SLC4A8: variants seen among roughly 807,000 people sequenced by gnomAD.
SLC4A8 encodes the protein solute carrier family 4 member 8, also known as electroneutral sodium bicarbonate exchanger 1.
In SLC4A8, 40 loss-of-function variants were observed where a neutral mutation model predicts 125.0. The observed-to-expected ratio is 0.32, with a 90% confidence interval of 0.25 to 0.42. The LOEUF (loss-of-function observed/expected upper bound fraction) is 0.42, where lower values mean the gene tolerates loss of function less well. SLC4A8 is among the 10% of genes least tolerant of loss of function. The pLI, the probability that SLC4A8 is intolerant of heterozygous loss-of-function variation, is 1.00. For synonymous variants in SLC4A8, 456 were observed against 476.0 expected (o/e 0.96, Z 0.55); for missense variants, 863 against 1,355.1 (o/e 0.64, Z 5.70).
chr12:51,495,273 G>A (rs1951431332), intron 21 of SLC4A8, among the ~76,000 whole-genome samples, 155 bp downstream of exon 21: 1 of 151,974 alleles, frequency 6.6e-6, no homozygotes, highest in African/African-American at 2.4e-5. Flanking sequence ...TCCAGCTCTG[G>A]AACTTTTTAC....
intron 16 of SLC4A8, among the ~76,000 whole-genome samples, chr12:51,482,685 A>G (rs2138369354): frequency 6.6e-6 from 1 of 152,214 alleles, no homozygotes; most frequent in South Asian, 2.1e-4. Flanking sequence ...TGGCCTGGCT[A>G]ATGTAATTCT....
chr12:51,429,587 C>T (rs1171072617), intron 1 of SLC4A8, among the ~76,000 whole-genome samples: 1 of 152,048 alleles, frequency 6.6e-6, no homozygotes, highest in African/African-American at 2.4e-5. Context: ...ACTGCAGCGT[C>T]GACCTCCTGG....
intron 16 of SLC4A8, among the ~76,000 whole-genome samples, chr12:51,477,444 A>G (rs1308191553): frequency 2.6e-5 from 4 of 152,184 alleles, no homozygotes; most frequent in Non-Finnish European, 5.9e-5. Flanking sequence ...AAAAGGGCTG[A>G]GTTTATCCCT....
chr12:51,427,578 G>A (rs939820737), intron 1 of SLC4A8, among the ~76,000 whole-genome samples: 32 of 152,270 alleles, frequency 2.1e-4, no homozygotes, highest in African/African-American at 7.0e-4. Context: ...AAGAGAATGA[G>A]GGTAGAAGGA....
At chr12:51,499,624 T>TATACACACACACACACAC (rs1555199776) in intron 22 of SLC4A8, among the ~76,000 whole-genome samples, 2 of 143,238 alleles carry the variant, frequency 1.4e-5, no homozygotes, top group Non-Finnish European at 3.1e-5. Context: ...GCTATAATTC[T>TATACACACACACACACAC]ACACACACAC....
chr12:51,478,274 CAAA>C (rs10668768), intron 16 of SLC4A8, among the ~76,000 whole-genome samples: 1 of 133,638 alleles, frequency 7.5e-6, no homozygotes. Context: ...AACTCCGTCT[CAAA>C]AAAAAAAAAA....
At chr12:51,465,163 G>A (rs1022857160) in intron 11 of SLC4A8, among the ~76,000 whole-genome samples, 6 of 152,180 alleles carry the variant, frequency 3.9e-5, no homozygotes, top group African/African-American at 1.4e-4. Context: ...CTGTCCTAGA[G>A]GAGGTGGTAA....
At chr12:51,407,478 AG>A (rs1948511503) in intron 1 of SLC4A8, among the ~76,000 whole-genome samples, 1 of 151,942 alleles carries the variant, frequency 6.6e-6, no homozygotes, top group South Asian at 2.1e-4. Flanking sequence ...TATGTTGCCA[AG>A]GCTGGTCTGA....
upstream of SLC4A8, chr12:51,420,286 A>T (rs915465295): frequency 2.0e-5 from 3 of 152,244 alleles, no homozygotes; most frequent in African/African-American, 7.2e-5. Flanking sequence ...AATTGCAAGT[A>T]AAGCCTAAGA....
At chr12:51,424,054 C>CAAAAAAA (rs1334821004), upstream of SLC4A8, among the ~76,000 whole-genome samples, 1 of 77,444 alleles carries the variant, frequency 1.3e-5, no homozygotes, top group Non-Finnish European at 2.5e-5. Flanking sequence ...AAAAAAAAAA[C>CAAAAAAA]AAAAAAAACA....
intron 16 of SLC4A8, among the ~76,000 whole-genome samples, chr12:51,481,322 A>G (rs760448800): frequency 1.3e-5 from 2 of 152,124 alleles, no homozygotes; most frequent in African/African-American, 2.4e-5. Flanking sequence ...CCAGTCCATG[A>G]GCAACTTTGC....
intron 19 of SLC4A8, among the ~76,000 whole-genome samples, chr12:51,492,071 G>A (rs1236927303): frequency 6.6e-6 from 1 of 152,132 alleles, no homozygotes; most frequent in Non-Finnish European, 1.5e-5. Flanking sequence ...TATGAGAAGT[G>A]GGGCTAAAAG....
upstream of SLC4A8, among the ~76,000 whole-genome samples, chr12:51,423,968 G>T (rs11169836): frequency 6.8e-6 from 1 of 146,810 alleles, no homozygotes; most frequent in African/African-American, 2.5e-5. Flanking sequence ...CTGGATAGGC[G>T]GAGGTTGCAG....
chr12:51,461,307 G>C lies in SLC4A8; in HGVS notation c.1101+16G>C. 1 of 1,434,232 alleles carries C rather than the reference G, an allele frequency of 7.0e-7. No homozygotes were observed. The highest frequency in any genetic ancestry group is 9.8e-7 in the Non-Finnish European group (1 of 1,016,320). The allele number at this position is 1,434,232 out of a possible 1,614,324, so 88.8% of individuals were successfully genotyped here. A position where few individuals can be genotyped will look rare whatever the true frequency, so the allele number is the denominator to read the frequency against. On this transcript the variant is annotated intron_variant, in intron 9 of 24. Transcript: ENST00000453097. Reference sequence around the variant, plus strand: ...GACAGATGAGGTATGTGCAACTTTTGCTTCAGTCTTCCATCTCATAAATAT... The same window carrying C: ...GACAGATGAGGTATGTGCAACTTTTCCTTCAGTCTTCCATCTCATAAATAT...
intron 13 of SLC4A8, among the ~76,000 whole-genome samples, chr12:51,470,800 A>C (rs1354557573): frequency 6.6e-6 from 1 of 152,060 alleles, no homozygotes; most frequent in Non-Finnish European, 1.5e-5. Context: ...AGCTAATTCA[A>C]ACTTCTCCAT....
intron 1 of SLC4A8, among the ~76,000 whole-genome samples, chr12:51,427,359 AC>A (rs1949027184): frequency 6.6e-6 from 1 of 152,016 alleles, no homozygotes; most frequent in African/African-American, 2.4e-5. Context: ...GGGCATCATG[AC>A]CCTTAGGTTT....
chr12:51,405,019 C>T (rs1389444411), intron 1 of SLC4A8, among the ~76,000 whole-genome samples: 1 of 152,226 alleles, frequency 6.6e-6, no homozygotes, highest in African/African-American at 2.4e-5. Context: ...TCATGAAAAT[C>T]CAGGTCTGGC....
At chr12:51,424,053 A>AG (rs1948869712), upstream of SLC4A8, among the ~76,000 whole-genome samples, 1 of 42,502 alleles carries the variant, frequency 2.4e-5, no homozygotes, top group Non-Finnish European at 5.4e-5. Context: ...AAAAAAAAAA[A>AG]CAAAAAAAAC....
At chr12:51,458,215 C>T (rs1269463850) in intron 6 of SLC4A8, among the ~76,000 whole-genome samples, 1 of 152,142 alleles carries the variant, frequency 6.6e-6, no homozygotes, top group African/African-American at 2.4e-5. Context: ...AGTGAATCAC[C>T]ATGTGCAGGG....
Sources: gnomAD v4.1 joint callset for allele counts (sites outside exome capture counted in the v4.1 genomes callset) on GRCh38, gnomAD v4.1.1 for gene constraint, MANE v1.5 for transcripts, NCBI Gene and HGNC (gene_info 2026-07-23, HGNC 2026-07-21) for gene names.